Variants in SS18L1 observed in about 807,000 individuals in gnomAD.
SS18L1 encodes SS18L1 subunit of BAF chromatin remodeling complex.
SS18L1 carries 32 observed loss-of-function variants against 70.3 expected under a neutral mutation model. The observed-to-expected ratio is 0.46, with a 90% confidence interval of 0.34 to 0.61. The LOEUF (loss-of-function observed/expected upper bound fraction) is 0.61. Among genes scored for constraint, SS18L1 ranks in the 20% least tolerant of loss-of-function variants. The pLI, the probability that SS18L1 is intolerant of heterozygous loss-of-function variation, is 0.01. For missense variants in SS18L1, 430 were observed against 542.1 expected, an observed-to-expected ratio of 0.79 and a Z score of 2.05; for synonymous variants, 237 against 229.7, an observed-to-expected ratio of 1.03 and a Z score of -0.29.
At chr20:62,170,671 TGCCCCCTTTCCCTGCAGTTATCTCAGCA>T (rs2057515222) in intron 8 of SS18L1, among the ~76,000 whole-genome samples, 1 of 152,228 alleles carries the variant, frequency 6.6e-6, no homozygotes, top group Non-Finnish European at 1.5e-5. Flanking sequence ...ACAGATGTCG[TGCCCCCTTTCCCTGCAGTTATCTCAGCA>T]GCCCCCTTTC....
At chr20:62,156,400 T>A (rs879858033) in intron 1 of SS18L1, among the ~76,000 whole-genome samples, 1 of 152,156 alleles carries the variant, frequency 6.6e-6, no homozygotes, top group Admixed American at 6.5e-5. Context: ...CAGTGTCCCC[T>A]GGCGGCCCCC....
chr20:62,163,438 G>A lies in SS18L1; in HGVS notation c.557-20G>A. 6.2e-7 allele frequency: 1 copy of A among 1,611,452 alleles called. No homozygotes were observed. The highest frequency in any genetic ancestry group is 1.8e-4 in the Middle Eastern group (1 of 5,582). ...GGGAGGCTTCCCGGGGTGATGTGGG[G>A]CCTCTGTCCTGTCGTTCAGTCTCCA... On this transcript the variant is annotated intron_variant, in intron 5 of 10. Transcript: ENST00000331758.
intron 8 of SS18L1, among the ~76,000 whole-genome samples, chr20:62,171,706 CAGAAA>C (rs1312021078): frequency 1.3e-5 from 2 of 152,142 alleles, no homozygotes; most frequent in Non-Finnish European, 2.9e-5. Flanking sequence ...TATTTCCAAC[CAGAAA>C]AGTAAAGTAG....
chr20:62,179,547 C>T lies in SS18L1; in HGVS notation c.*339C>T. ...GAGCATTCTGTGCCCAGGGACAGGA[C>T]AGATCTCGAGGACACCACAGTCCAC... On this transcript the variant is annotated 3_prime_UTR_variant, in exon 11 of 11. Coordinates refer to ENST00000331758, the MANE Select transcript of SS18L1 (RefSeq NM_198935.3). 1 of 407,432 alleles carries T rather than the reference C, an allele frequency of 2.5e-6. No homozygotes were observed. Among genetic ancestry groups the T allele is most frequent in the Non-Finnish European group, 4.5e-6 (1 of 220,574 alleles). 25.2% of individuals were successfully genotyped at this position (407,432 alleles called of 1,614,324 possible).
intron 8 of SS18L1, 88 bp downstream of exon 8, chr20:62,165,602 C>T: frequency 7.9e-7 from 1 of 1,262,012 alleles, no homozygotes; most frequent in Non-Finnish European, 1.1e-6. Flanking sequence ...CACGCGGTGC[C>T]TGCCTTCAGT....
intron 1 of SS18L1, among the ~76,000 whole-genome samples, chr20:62,144,307 C>T (rs563148119): frequency 6.6e-6 from 1 of 152,280 alleles, no homozygotes; most frequent in Non-Finnish European, 1.5e-5. Context: ...CGCTCCGCAG[C>T]CAGCTTCGGT....
chr20:62,149,916 C>T (rs2057097191), intron 1 of SS18L1, among the ~76,000 whole-genome samples: 1 of 152,204 alleles, frequency 6.6e-6, no homozygotes, highest in Non-Finnish European at 1.5e-5. Flanking sequence ...ATAAGCACGT[C>T]TCCAGCTTGG....
rs2057260625 is a variant in SS18L1 at position 62,158,354 on chromosome 20, G to C, written c.70-318G>C. Among the ~76,000 whole-genome samples the C allele has an allele frequency of 2.0e-5, 3 of 151,646 alleles. No homozygotes were observed. The South Asian group carries it at 6.3e-4, about 32-fold the overall frequency. ...GGCTGAGGCAATGCACGTAACGACA[G>C]TTTCGTATACAGAACAGGCGTAGCA... On this transcript the variant is annotated intron_variant, in intron 1 of 10. Transcript: ENST00000331758. The surrounding 1 kb of genome is among the most constrained non-coding windows in gnomAD (Gnocchi z 4.5).
At chr20:62,176,164 T>G (rs1255755530) in intron 10 of SS18L1, among the ~76,000 whole-genome samples, 1 of 152,236 alleles carries the variant, frequency 6.6e-6, no homozygotes, top group African/African-American at 2.4e-5. Context: ...GTGAAATAAG[T>G]GAATGTCCTA....
chr20:62,160,262 T>C (rs1601015354), intron 3 of SS18L1, among the ~76,000 whole-genome samples: 1 of 84,426 alleles, frequency 1.2e-5, no homozygotes, highest in Non-Finnish European at 2.3e-5. Flanking sequence ...GGGTCGGGGG[T>C]GGGGAGAGGT....
intron 1 of SS18L1, among the ~76,000 whole-genome samples, chr20:62,146,604 C>CCTTTTTTTTTTTTTTTTTTTTTTTT (rs1339898731): frequency 2.9e-5 from 1 of 34,156 alleles, no homozygotes; most frequent in African/African-American, 1.2e-4. Flanking sequence ...CTGCTTTGAT[C>CCTTTTTTTTTTTTTTTTTTTTTTTT]ATTTTTTTTT....
Position 62,159,977 on chromosome 20 carries a change from G to A in SS18L1, c.231+16G>A, listed in dbSNP as rs1390931311. 6.2e-7 allele frequency: 1 copy of A among 1,606,902 alleles called. No homozygotes were observed. Among genetic ancestry groups the A allele is most frequent in the Non-Finnish European group, 8.5e-7 (1 of 1,177,780 alleles). On this transcript the variant is annotated intron_variant, in intron 3 of 10. Transcript: ENST00000331758. The surrounding 1 kb of genome is among the most constrained non-coding windows in gnomAD (Gnocchi z 4.4). ...GCTTCCTGCCGTGAGTACCCACGGG[G>A]GGTTGGCCTCCTTTACCCAGCAAGG...
At chr20:62,150,010 A>G (rs540083013) in intron 1 of SS18L1, among the ~76,000 whole-genome samples, 1 of 152,242 alleles carries the variant, frequency 6.6e-6, no homozygotes, top group Non-Finnish European at 1.5e-5. Flanking sequence ...GTGATTGCCA[A>G]GGCACATGCA....
intron 9 of SS18L1, among the ~76,000 whole-genome samples, 166 bp downstream of exon 9, chr20:62,172,967 C>T (rs573875167): frequency 2.6e-5 from 4 of 152,376 alleles, no homozygotes; most frequent in East Asian, 1.9e-4. Context: ...CACCCCTGCC[C>T]CTGCCACATG....
intron 10 of SS18L1, 57 bp from the exon 11 acceptor site, chr20:62,179,125 C>G: frequency 6.2e-7 from 1 of 1,603,346 alleles, no homozygotes; most frequent in Non-Finnish European, 8.5e-7. Context: ...GGGTGGACGT[C>G]TGTCTTCCTT....
intron 1 of SS18L1, among the ~76,000 whole-genome samples, chr20:62,150,136 C>G (rs1039579514): frequency 3.3e-5 from 5 of 152,128 alleles, no homozygotes; most frequent in Non-Finnish European, 5.9e-5. Flanking sequence ...GCCAGCTCCT[C>G]TCAAGGAGAC....
rs2057705772 is a variant in SS18L1 at position 62,181,370 on chromosome 20, T to G, written c.*2162T>G. ...ATTTTCATAGACCTAATTTGCAAACTCAATCGGGGACTAAAATTTCCCACT... is the reference window on the plus strand; with the variant it reads ...ATTTTCATAGACCTAATTTGCAAACGCAATCGGGGACTAAAATTTCCCACT... On this transcript the variant is annotated 3_prime_UTR_variant, in exon 11 of 11. Coordinates refer to ENST00000331758, the MANE Select transcript of SS18L1 (RefSeq NM_198935.3). 4.8e-6 allele frequency: 1 copy of G among 207,500 alleles called. No individual in the cohort carries two copies. The highest frequency in any genetic ancestry group is 2.3e-5 in the African/African-American group (1 of 43,874). The allele number at this position is 207,500 out of a possible 1,614,324, so 12.9% of individuals were successfully genotyped here.
At chr20:62,144,690 G>A (rs2056991597) in intron 1 of SS18L1, among the ~76,000 whole-genome samples, 1 of 152,240 alleles carries the variant, frequency 6.6e-6, no homozygotes, top group South Asian at 2.1e-4. Context: ...TGTGGGTTTG[G>A]GACACCGTTA....
intron 8 of SS18L1, among the ~76,000 whole-genome samples, chr20:62,166,554 T>C (rs1331558436): frequency 6.6e-6 from 1 of 152,098 alleles, no homozygotes; most frequent in Non-Finnish European, 1.5e-5. Context: ...TACGAATGCC[T>C]GCAACGTTGA....
Sources: gnomAD v4.1 joint callset for allele counts (sites outside exome capture counted in the v4.1 genomes callset) on GRCh38, gnomAD v4.1.1 for gene constraint, Gnocchi (gnomAD v3.1) non-coding constraint, MANE v1.5 for transcripts, NCBI Gene and HGNC (gene_info 2026-07-23, HGNC 2026-07-21) for gene names.